Variants in ATF2 observed in about 807,000 individuals in gnomAD.
ATF2 encodes the protein activating transcription factor 2, also known as cyclic AMP-dependent transcription factor ATF-2.
ATF2 carries 24 observed loss-of-function variants against 60.6 expected under a neutral mutation model. The ratio of observed to expected loss-of-function variants is 0.40; its 90% CI spans 0.29 to 0.56. The LOEUF is 0.56. Among genes scored for constraint, ATF2 ranks in the 20% least tolerant of loss-of-function variants. The probability of loss-of-function intolerance (pLI) is 0.54; values close to 1 mark genes in which losing one functional copy is unlikely to be tolerated. For missense variants in ATF2, 433 were observed against 607.7 expected, an observed-to-expected ratio of 0.71 and a Z score of 3.02; for synonymous variants, 206 against 215.4, an observed-to-expected ratio of 0.96 and a Z score of 0.38.
At chr2:175,098,941 T>C (rs1258250199) in intron 10 of ATF2, among the ~76,000 whole-genome samples, 1 of 152,198 alleles carries the variant, frequency 6.6e-6, no homozygotes, top group Non-Finnish European at 1.5e-5. Flanking sequence ...TAATTATGCG[T>C]GAACAAATGT....
intron 1 of ATF2, among the ~76,000 whole-genome samples, chr2:175,167,242 C>T (rs1379507324): frequency 6.6e-6 from 1 of 152,064 alleles, no homozygotes; most frequent in African/African-American, 2.4e-5. Flanking sequence ...ACACACACTC[C>T]CTTTCGGCCC....
At chr2:175,106,841 T>C (rs1370923916) in intron 10 of ATF2, among the ~76,000 whole-genome samples, 1 of 151,560 alleles carries the variant, frequency 6.6e-6, no homozygotes, top group African/African-American at 2.4e-5. Context: ...GTCTCAAAAA[T>C]AAATAAATAA....
rs920377729 is a variant in ATF2 at position 175,105,682 on chromosome 2, T to C, written c.828+5886A>G. Among the ~76,000 whole-genome samples, 5 of 152,330 alleles carry C rather than the reference T, an allele frequency of 3.3e-5. No individual in the cohort carries two copies. In the South Asian group the frequency reaches 1.0e-3, roughly 32 times the overall value. On this transcript the variant is annotated intron_variant, in intron 10 of 13. Transcript: ENST00000264110. Reference sequence around the variant, plus strand: ...TGACATTTTAAGTTACCAGTTCAGGTTACTGTACCAGCATAGCAATATCTA... The same window carrying C: ...TGACATTTTAAGTTACCAGTTCAGGCTACTGTACCAGCATAGCAATATCTA...
chr2:175,135,324 T>G (rs925833956), intron 3 of ATF2, among the ~76,000 whole-genome samples: 8 of 152,216 alleles, frequency 5.3e-5, no homozygotes, highest in Middle Eastern at 3.4e-3. Flanking sequence ...ACAGGGAATG[T>G]CAAAAGTCGA....
chr2:175,142,718 A>AGT (rs777398795), intron 2 of ATF2, among the ~76,000 whole-genome samples: 279 of 113,432 alleles, frequency 2.5e-3, no homozygotes, highest in East Asian at 0.021. Context: ...AGAGAGAGAG[A>AGT]GAGTGTGTGT....
At chr2:175,099,107 T>TC (rs1441261296) in intron 10 of ATF2, among the ~76,000 whole-genome samples, 1 of 150,348 alleles carries the variant, frequency 6.7e-6, no homozygotes, top group South Asian at 2.1e-4. Context: ...AATTTCTTTT[T>TC]TTTTTTTTTT....
At chr2:175,077,007 C>T (rs558080955) in intron 13 of ATF2, among the ~76,000 whole-genome samples, 38 of 134,054 alleles carry the variant, frequency 2.8e-4, no homozygotes, top group Non-Finnish European at 4.5e-4. Context: ...TCCATGTGTT[C>T]TTATTGTTCA....
chr2:175,094,403 G>T (rs201781591), intron 11 of ATF2, among the ~76,000 whole-genome samples: 2 of 61,142 alleles, frequency 3.3e-5, no homozygotes, highest in African/African-American at 4.6e-5. Flanking sequence ...CAAAAAATAC[G>T]AAAAAAAAAA....
At chr2:175,164,332 G>A (rs946304212) in intron 1 of ATF2, among the ~76,000 whole-genome samples, 4 of 152,012 alleles carry the variant, frequency 2.6e-5, no homozygotes, top group Admixed American at 6.6e-5. Context: ...CCAGGAAGTC[G>A]AGATCAGCCT....
At chr2:175,167,800 G>A in intron 1 of ATF2, 1 of 446,492 alleles carries the variant, frequency 2.2e-6, no homozygotes. Context: ...GGGAGGGGCC[G>A]GAACAACGAA....
chr2:175,133,637 G>T (rs921495426), intron 3 of ATF2, among the ~76,000 whole-genome samples: 3 of 152,096 alleles, frequency 2.0e-5, no homozygotes, highest in African/African-American at 4.8e-5. Flanking sequence ...GTCAATTAAG[G>T]ATTCATAACT....
chr2:175,118,198 T>C lies in ATF2; in HGVS notation c.318+53A>G, dbSNP rs548823359. ...TTTAAAAAGCAGGAAGTATAAACTA[T>C]GATTACTTTTCTGTCAGAAGTACTC... On this transcript the variant is annotated intron_variant, in intron 6 of 13. Transcript: ENST00000264110. 21 of 1,591,474 alleles carry C rather than the reference T, an allele frequency of 1.3e-5. No homozygotes were observed. In the African/African-American group the frequency reaches 2.6e-4, roughly 20 times the overall value.
At chr2:175,084,331 A>G (rs2105553050) in intron 12 of ATF2, among the ~76,000 whole-genome samples, 1 of 152,190 alleles carries the variant, frequency 6.6e-6, no homozygotes, top group Middle Eastern at 3.4e-3. Context: ...TGATGTGTTC[A>G]TGTCCTTTGT....
intron 9 of ATF2, among the ~76,000 whole-genome samples, chr2:175,112,832 AC>A (rs1696292195): frequency 6.6e-6 from 1 of 152,102 alleles, no homozygotes; most frequent in African/African-American, 2.4e-5. Flanking sequence ...CAAGCCACCC[AC>A]CCTGGTCTCC....
intron 4 of ATF2, among the ~76,000 whole-genome samples, chr2:175,129,927 C>A (rs902098415): frequency 7.2e-5 from 11 of 151,936 alleles, no homozygotes; most frequent in South Asian, 2.1e-4. Flanking sequence ...ATGCTCCCCC[C>A]CTCCGTATTG....
At chr2:175,085,742 C>T (rs1694127165) in intron 12 of ATF2, among the ~76,000 whole-genome samples, 1 of 151,952 alleles carries the variant, frequency 6.6e-6, no homozygotes, top group Non-Finnish European at 1.5e-5. Flanking sequence ...CATGAAGATG[C>T]CAGTAGCTAG....
intron 2 of ATF2, among the ~76,000 whole-genome samples, chr2:175,150,317 G>A (rs536360059): frequency 3.5e-4 from 53 of 152,108 alleles, no homozygotes; most frequent in Non-Finnish European, 7.5e-4. Context: ...CAATCTGCTT[G>A]TATATTTTGA....
chr2:175,077,127 T>A (rs1349987967), intron 13 of ATF2, among the ~76,000 whole-genome samples: 3 of 152,122 alleles, frequency 2.0e-5, no homozygotes, highest in Non-Finnish European at 2.9e-5. Context: ...GGACATGAAC[T>A]CATCATTTTT....
At chr2:175,092,921 A>C in intron 12 of ATF2, 140 bp downstream of exon 12, 1 of 879,834 alleles carries the variant, frequency 1.1e-6, no homozygotes. Context: ...ACAGGTTTAC[A>C]AAACTATGAT....
Sources: allele counts gnomAD v4.1 joint callset (sites outside exome capture counted in the v4.1 genomes callset), GRCh38; gene constraint gnomAD v4.1.1; transcripts MANE v1.5; gene names NCBI Gene and HGNC (gene_info 2026-07-23, HGNC 2026-07-21).